Variants in CPSF2 observed in about 807,000 individuals in gnomAD.
CPSF2 encodes cleavage and polyadenylation specific factor 2, also known as cleavage and polyadenylation specificity factor subunit 2.
CPSF2 carries 51 observed loss-of-function variants against 84.2 expected under a neutral mutation model. The observed-to-expected ratio is 0.61, with a 90% CI of 0.48 to 0.77. The LOEUF (loss-of-function observed/expected upper bound fraction) is 0.77, where lower values mean the gene tolerates loss of function less well. Ranked by LOEUF, CPSF2 falls within the 30% of genes least tolerant of loss-of-function variation. CPSF2 has a pLI of 0.00. For synonymous variants in CPSF2, 286 were observed against 311.9 expected (o/e 0.92, Z 0.87); for missense variants, 641 against 929.4 (o/e 0.69, Z 4.03).
At chr14:92,128,142 G>A (rs907109113) in intron 2 of CPSF2, among the ~76,000 whole-genome samples, 2 of 152,158 alleles carry the variant, frequency 1.3e-5, no homozygotes, top group Admixed American at 1.3e-4. Flanking sequence ...GGCTGAGGCA[G>A]GAGAAATACT....
chr14:92,139,416 CA>C (rs569516826), intron 7 of CPSF2, among the ~76,000 whole-genome samples: 1,833 of 125,302 alleles, frequency 0.015, 42 homozygotes, highest in African/African-American at 0.049. Context: ...GACTCCGTCT[CA>C]AAAAAAAAAA....
chr14:92,156,060 C>T (rs148445882), intron 11 of CPSF2, among the ~76,000 whole-genome samples: 110 of 152,196 alleles, frequency 7.2e-4, no homozygotes, highest in African/African-American at 2.6e-3. Context: ...GAGGCCGAGG[C>T]AGGTGGATCA....
In CPSF2 at chr14:92,170,181, ACTTGT is replaced by A. The variant is rs2069500632; in HGVS notation, c.*8441_*8445del. ...ACAAATTCCTAACAGCTCAAATACT[ACTTGT>A]CTTATTTGTTAACTATTTTGAAATA... On this transcript the variant is annotated 3_prime_UTR_variant, in exon 16 of 16. Coordinates refer to ENST00000298875, the MANE Select transcript of CPSF2 (RefSeq NM_017437.3). 1 of 152,180 alleles carries A rather than the reference ACTTGT, an allele frequency of 6.6e-6. No individual in the cohort carries two copies. Among genetic ancestry groups the A allele is most frequent in the Non-Finnish European group, 1.5e-5 (1 of 68,040 alleles). The allele number at this position is 152,180 out of a possible 1,614,324, so 9.4% of individuals were successfully genotyped here.
At chr14:92,145,286 T>A (rs1355699358) in intron 9 of CPSF2, among the ~76,000 whole-genome samples, 1 of 152,096 alleles carries the variant, frequency 6.6e-6, no homozygotes, top group Admixed American at 6.5e-5. Flanking sequence ...CAGCCTGGAG[T>A]GCAGTGGCAC....
intron 9 of CPSF2, among the ~76,000 whole-genome samples, chr14:92,151,033 G>A (rs1005562164): frequency 6.0e-4 from 92 of 152,146 alleles, no homozygotes; most frequent in African/African-American, 2.2e-3. Context: ...TGGTGAACTA[G>A]TATTTTCCAA....
At chr14:92,159,345 C>A in intron 14 of CPSF2, 63 bp downstream of exon 14, 3 of 1,417,460 alleles carry the variant, frequency 2.1e-6, no homozygotes, top group Non-Finnish European at 2.9e-6. Context: ...GTTTTCATGT[C>A]TTTTGGTTTT....
Position 92,169,595 on chromosome 14 carries a change from T to C in CPSF2, c.*7851T>C, listed in dbSNP as rs768064905. ...GTCTAAAGAGATTGTGTAAATTCTT[T>C]ATCAGTTATAAGGAAAAACCAAATT... On this transcript the variant is annotated 3_prime_UTR_variant, in exon 16 of 16. Coordinates refer to ENST00000298875, the MANE Select transcript of CPSF2 (RefSeq NM_017437.3). 6.6e-6 allele frequency: 1 copy of C among 151,948 alleles called. No individual in the cohort carries two copies. Among genetic ancestry groups the C allele is most frequent in the Non-Finnish European group, 1.5e-5 (1 of 67,998 alleles). 9.4% of individuals were successfully genotyped at this position (151,948 alleles called of 1,614,324 possible). A position where few individuals can be genotyped will look rare whatever the true frequency, so the allele number is the denominator to read the frequency against.
At chr14:92,141,400 C>T (rs1179183984) in intron 7 of CPSF2, among the ~76,000 whole-genome samples, 2 of 152,028 alleles carry the variant, frequency 1.3e-5, no homozygotes, top group Admixed American at 1.3e-4. Context: ...GGCACAATCA[C>T]GACTCTCTGC....
At chr14:92,130,396 T>C (rs1418712770) in intron 2 of CPSF2, among the ~76,000 whole-genome samples, 3 of 152,134 alleles carry the variant, frequency 2.0e-5, no homozygotes, top group African/African-American at 7.2e-5. Context: ...AAACTAATCA[T>C]TGTAATACAG....
chr14:92,146,538 A>C (rs1412633675), intron 9 of CPSF2, among the ~76,000 whole-genome samples: 1 of 152,104 alleles, frequency 6.6e-6, no homozygotes, highest in Non-Finnish European at 1.5e-5. Flanking sequence ...AAACAAAAAC[A>C]CATACAGTTC....
In CPSF2 at chr14:92,169,810, A is replaced by C. The variant is rs531206407; in HGVS notation, c.*8066A>C. ...TTGAATACTTTTACCTAAGATAATG[A>C]AACCGTTAAGTAGAGATTTTTCTAA... On this transcript the variant is annotated 3_prime_UTR_variant, in exon 16 of 16. Transcript: ENST00000298875. 3 of 152,266 alleles carry C rather than the reference A, an allele frequency of 2.0e-5. No individual in the cohort carries two copies. In the South Asian group the frequency reaches 6.2e-4, roughly 32 times the overall value. 9.4% of individuals were successfully genotyped at this position (152,266 alleles called of 1,614,324 possible).
intron 6 of CPSF2, among the ~76,000 whole-genome samples, chr14:92,137,496 A>G (rs928740890): frequency 1.3e-5 from 2 of 152,224 alleles, no homozygotes; most frequent in Non-Finnish European, 2.9e-5. Context: ...GGCATGAGCC[A>G]CTGCACTAGT....
chr14:92,122,853 CTTT>C (rs71123318), intron 1 of CPSF2, among the ~76,000 whole-genome samples: 1 of 141,186 alleles, frequency 7.1e-6, no homozygotes, highest in Non-Finnish European at 1.5e-5. Context: ...TTTTTTCTTT[CTTT>C]TTTTTTTTTT....
chr14:92,161,807 C>T lies in CPSF2; in HGVS notation c.*63C>T, dbSNP rs2069377206. The T allele has an allele frequency of 9.8e-6, 9 of 920,720 alleles. No homozygotes were observed. The highest frequency in any genetic ancestry group is 1.5e-5 in the Non-Finnish European group (9 of 613,282). The allele number at this position is 920,720 out of a possible 1,614,324, so 57.0% of individuals were successfully genotyped here. A position where few individuals can be genotyped will look rare whatever the true frequency, so the allele number is the denominator to read the frequency against. ...AAGAAAAAGGGATTCTTATCTTACT[C>T]TGAGCTTTTGATGTTTTGTTTTGTA... On this transcript the variant is annotated 3_prime_UTR_variant, in exon 16 of 16. Coordinates refer to ENST00000298875, the MANE Select transcript of CPSF2 (RefSeq NM_017437.3).
At chr14:92,160,557 GA>G (rs1223916583) in intron 14 of CPSF2, among the ~76,000 whole-genome samples, 3 of 152,186 alleles carry the variant, frequency 2.0e-5, no homozygotes, top group Non-Finnish European at 4.4e-5. Flanking sequence ...GGAGGAATAA[GA>G]ATATTTTTTT....
Position 92,156,574 on chromosome 14 carries a change from A to G in CPSF2, c.1538A>G (p.Gln513Arg), listed in dbSNP as rs1235725511. ...GLTNGDEPMD[Q>R]DLSDVPTKCI... ...ACAAATGGAGATGAACCTATGGATC[A>G]GGATTTATCTGATGTTCCTACTAAA... The change falls in exon 12 of 16, where the codon CAG becomes CGG. Residue 513 changes from glutamine (Q) to arginine (R), a missense_variant. Around this residue, in one of 2 missense-constraint regions of CPSF2, gnomAD observed 430 missense variants for 553.6 expected, o/e 0.78. Transcript: ENST00000298875. The G allele has an allele frequency of 1.2e-6, 2 of 1,611,340 alleles. No homozygotes were observed. The highest frequency in any genetic ancestry group is 1.7e-6 in the Non-Finnish European group (2 of 1,177,984).
intron 1 of CPSF2, among the ~76,000 whole-genome samples, chr14:92,125,373 T>C (rs575399858): frequency 9.2e-5 from 14 of 152,272 alleles, no homozygotes; most frequent in South Asian, 8.3e-4. Flanking sequence ...ACAACTAATA[T>C]ATTCATGTCG....
At chr14:92,141,360 C>G (rs2069076008) in intron 7 of CPSF2, among the ~76,000 whole-genome samples, 1 of 152,060 alleles carries the variant, frequency 6.6e-6, no homozygotes, top group Admixed American at 6.6e-5. Context: ...GAGGCAAAGT[C>G]TTTCTCTGTT....
At position 92,168,416 on chromosome 14, in the gene CPSF2, T is replaced by A. The variant is rs974238718; in HGVS notation, c.*6672T>A. 5 of 152,122 alleles carry A rather than the reference T, an allele frequency of 3.3e-5. No individual in the cohort carries two copies. Among genetic ancestry groups the A allele is most frequent in the African/African-American group, 1.2e-4 (5 of 41,430 alleles). 9.4% of individuals were successfully genotyped at this position (152,122 alleles called of 1,614,324 possible). On this transcript the variant is annotated 3_prime_UTR_variant, in exon 16 of 16. Transcript: ENST00000298875. ...GAAAATACCAAAAATTACCAAAATT[T>A]AAAAACCCAGGGCTTTGCTGGAAGT...
Sources: allele counts gnomAD v4.1 joint callset (sites outside exome capture counted in the v4.1 genomes callset), GRCh38; gene constraint gnomAD v4.1.1; regional missense constraint gnomAD v4.1.1; transcripts MANE v1.5; gene names NCBI Gene and HGNC (gene_info 2026-07-23, HGNC 2026-07-21).